The following SRSF4 variants were observed in gnomAD, a reference collection of about 807,000 sequenced individuals.
The protein encoded by SRSF4 is serine and arginine rich splicing factor 4, also known as serine/arginine-rich splicing factor 4.
A neutral mutation model predicts 48.8 loss-of-function variants in SRSF4; 12 were observed. The ratio of observed to expected loss-of-function variants is 0.25; its 90% CI spans 0.16 to 0.40. SRSF4 has a LOEUF of 0.40. Ranked by LOEUF, SRSF4 falls within the 10% of genes least tolerant of loss-of-function variation. The probability of loss-of-function intolerance (pLI) is 1.00; values close to 1 mark genes in which losing one functional copy is unlikely to be tolerated. For synonymous variants in SRSF4, 248 were observed against 232.5 expected, an observed-to-expected ratio of 1.07 and a Z score of -0.61; for missense variants, 466 against 667.1, an observed-to-expected ratio of 0.70 and a Z score of 3.32.
In SRSF4 at chr1:29,176,878, A is replaced by G. The variant is rs192001872; in HGVS notation, c.107+4768T>C. On this transcript the variant is annotated intron_variant, in intron 1 of 5. Transcript: ENST00000373795. The stretch of plus-strand genomic sequence containing the variant: ...ACTGTTCCATGAAACGCAGGTTCTG[A>G]AGTTTAAATCCAAGTTTCCCTTGAG... 1.6e-4 allele frequency among the ~76,000 whole-genome samples: 24 copies of G among 152,358 alleles called. No homozygotes were observed. In the East Asian group the frequency reaches 4.4e-3, roughly 28 times the overall value.
intron 1 of SRSF4, among the ~76,000 whole-genome samples, chr1:29,175,354 T>C (rs926920884): frequency 1.0e-4 from 15 of 150,536 alleles, no homozygotes; most frequent in African/African-American, 1.5e-4. Context: ...TGAGCCACGA[T>C]TGTGCCACTG....
intron 1 of SRSF4, among the ~76,000 whole-genome samples, chr1:29,166,555 G>A (rs1219245790): frequency 6.6e-6 from 1 of 152,174 alleles, no homozygotes; most frequent in Admixed American, 6.5e-5. Context: ...GACTTTCCTG[G>A]CAACAGAGGG....
intron 5 of SRSF4, 93 bp downstream of exon 5, chr1:29,150,010 A>G: frequency 9.5e-7 from 1 of 1,049,296 alleles, no homozygotes; most frequent in Non-Finnish European, 1.4e-6. Context: ...CTTGGGTGAC[A>G]GAGTGTCTCT....
chr1:29,152,530 C>G (rs1672426667), intron 4 of SRSF4, among the ~76,000 whole-genome samples: 1 of 152,192 alleles, frequency 6.6e-6, no homozygotes, highest in South Asian at 2.1e-4. Context: ...TCTCAAGCCA[C>G]TCTCCTCCCG....
intron 1 of SRSF4, chr1:29,168,500 G>A (rs1672700649): frequency 6.6e-6 from 1 of 152,154 alleles, no homozygotes; most frequent in Admixed American, 6.5e-5. Context: ...AAAAGAAATT[G>A]ACCTTGGGGC....
chr1:29,177,951 G>A (rs1672894795), intron 1 of SRSF4, among the ~76,000 whole-genome samples: 2 of 137,158 alleles, frequency 1.5e-5, no homozygotes, highest in Middle Eastern at 4.3e-3. Flanking sequence ...CTAGGTTGGA[G>A]TGCAGTGATG....
chr1:29,149,525 C>G (rs1672370023), intron 5 of SRSF4, among the ~76,000 whole-genome samples: 1 of 151,670 alleles, frequency 6.6e-6, no homozygotes, highest in African/African-American at 2.4e-5. Context: ...ACTAAAAATA[C>G]CAAAAATTAG....
chr1:29,164,095 G>A (rs1237181187), intron 1 of SRSF4, among the ~76,000 whole-genome samples: 1 of 152,152 alleles, frequency 6.6e-6, no homozygotes. Flanking sequence ...AAGGGATCCT[G>A]CGGCTTCAGC....
At position 29,181,824 on chromosome 1, in the gene SRSF4, GGCGGCA is replaced by G; in HGVS notation, c.-78_-73del. 1 of 1,267,080 alleles carries G rather than the reference GGCGGCA, an allele frequency of 7.9e-7. No homozygotes were observed. The highest frequency in any genetic ancestry group is 1.9e-5 in the South Asian group (1 of 53,668). 78.5% of individuals were successfully genotyped at this position (1,267,080 alleles called of 1,614,324 possible). On this transcript the variant is annotated 5_prime_UTR_variant, in exon 1 of 6. Transcript: ENST00000373795. ...GCGGCGGCGGGCAAAGCGAGAGCAC[GGCGGCA>G]GCGGCGGCGGCGGCAACGGGCGGGC...
intron 1 of SRSF4, among the ~76,000 whole-genome samples, chr1:29,179,764 G>T (rs1672926088): frequency 6.6e-6 from 1 of 152,114 alleles, no homozygotes; most frequent in Non-Finnish European, 1.5e-5. Context: ...AGTTTAAAGC[G>T]AAAGCAAACA....
chr1:29,167,401 T>C (rs977993370), intron 1 of SRSF4, among the ~76,000 whole-genome samples: 1 of 152,264 alleles, frequency 6.6e-6, no homozygotes, highest in African/African-American at 2.4e-5. Context: ...TTTTGTTTTT[T>C]TGAGATGGAG....
intron 1 of SRSF4, among the ~76,000 whole-genome samples, chr1:29,175,994 T>C (rs1672843188): frequency 6.6e-6 from 1 of 152,146 alleles, no homozygotes; most frequent in Admixed American, 6.6e-5. Context: ...GGCTCACACC[T>C]GTAATCCCAG....
chr1:29,156,355 A>G (rs926330574), intron 3 of SRSF4, among the ~76,000 whole-genome samples: 2 of 151,132 alleles, frequency 1.3e-5, no homozygotes, highest in African/African-American at 2.4e-5. Flanking sequence ...CTTCGTCTCA[A>G]AAAAAAAAAA....
At chr1:29,149,455 C>T (rs1672368367) in intron 5 of SRSF4, among the ~76,000 whole-genome samples, 1 of 152,004 alleles carries the variant, frequency 6.6e-6, no homozygotes, top group Non-Finnish European at 1.5e-5. Flanking sequence ...CCAAGGCAGG[C>T]GGATCGCGAG....
intron 3 of SRSF4, among the ~76,000 whole-genome samples, chr1:29,155,690 G>A (rs1052004562): frequency 6.6e-6 from 1 of 151,992 alleles, no homozygotes; most frequent in African/African-American, 2.4e-5. Context: ...ATGGGGTTTT[G>A]CCATATTGCC....
chr1:29,155,756 G>A (rs1418885887), intron 3 of SRSF4, among the ~76,000 whole-genome samples: 1 of 152,142 alleles, frequency 6.6e-6, no homozygotes, highest in African/African-American at 2.4e-5. Flanking sequence ...GCCTCCCAAA[G>A]TGCTAGGATT....
At chr1:29,157,646 C>CA (rs112901819) in intron 3 of SRSF4, among the ~76,000 whole-genome samples, 8 of 152,066 alleles carry the variant, frequency 5.3e-5, no homozygotes, top group African/African-American at 1.9e-4. Context: ...AAAAGAAAAA[C>CA]AAAAAAGTGC....
chr1:29,147,955 C>T lies in SRSF4; in HGVS notation c.*455G>A, dbSNP rs1404875634. 1 of 410,200 alleles carries T rather than the reference C, an allele frequency of 2.4e-6. No homozygotes were observed. Among genetic ancestry groups the T allele is most frequent in the Admixed American group, 2.7e-5 (1 of 36,836 alleles). The allele number at this position is 410,200 out of a possible 1,614,324, so 25.4% of individuals were successfully genotyped here. On this transcript the variant is annotated 3_prime_UTR_variant, in exon 6 of 6. Transcript: ENST00000373795. ...TTTTCCTCGACTGTGCTATTCACAA[C>T]TTTGTTAAGTCCAAAAATATGAAAC...
chr1:29,178,137 T>C (rs1234114494), intron 1 of SRSF4, among the ~76,000 whole-genome samples: 1 of 151,994 alleles, frequency 6.6e-6, no homozygotes, highest in Non-Finnish European at 1.5e-5. Context: ...TGACTTCAAG[T>C]GATCCACCTA....
Sources: allele counts gnomAD v4.1 joint callset (sites outside exome capture counted in the v4.1 genomes callset), GRCh38; gene constraint gnomAD v4.1.1; transcripts MANE v1.5; gene names NCBI Gene and HGNC (gene_info 2026-07-23, HGNC 2026-07-21).